The following OPCML variants were observed in gnomAD, a reference collection of about 807,000 sequenced individuals.
The protein encoded by OPCML is opioid-binding protein/cell adhesion molecule.
Under a neutral mutation model 37.8 loss-of-function variants are expected in OPCML, and 13 were observed. The ratio of observed to expected loss-of-function variants is 0.34; its 90% CI spans 0.22 to 0.55. OPCML has a LOEUF of 0.55. Among genes scored for constraint, OPCML ranks in the 20% least tolerant of loss-of-function variants. The pLI is 0.91. For synonymous variants in OPCML, 176 were observed against 168.8 expected (o/e 1.04, Z -0.33); for missense variants, 341 against 435.6 (o/e 0.78, Z 1.93).
At chr11:132,895,344 A>G (rs1223333346) in intron 2 of OPCML, among the ~76,000 whole-genome samples, 1 of 152,242 alleles carries the variant, frequency 6.6e-6, no homozygotes, top group African/African-American at 2.4e-5. Flanking sequence ...GGATGAAGGA[A>G]AAGAATGAGT....
intron 2 of OPCML, among the ~76,000 whole-genome samples, chr11:132,818,680 A>G (rs1303063400): frequency 1.3e-4 from 15 of 116,760 alleles, no homozygotes; most frequent in Middle Eastern, 4.9e-3. Flanking sequence ...TATTATATAT[A>G]AAATCATATT....
chr11:133,045,224 G>C (rs1415301366), intron 1 of OPCML, among the ~76,000 whole-genome samples: 2 of 152,140 alleles, frequency 1.3e-5, no homozygotes, highest in Non-Finnish European at 2.9e-5. Context: ...TGGCAGGATG[G>C]ATTCTGATTC....
At chr11:132,655,969 A>G (rs915065317) in intron 3 of OPCML, among the ~76,000 whole-genome samples, 5 of 151,118 alleles carry the variant, frequency 3.3e-5, no homozygotes, top group African/African-American at 1.2e-4. Flanking sequence ...TGTTGGATCT[A>G]TGACAGATGG....
chr11:132,558,489 T>C, intron 3 of OPCML, among the ~76,000 whole-genome samples: 1 of 73,556 alleles, frequency 1.4e-5, no homozygotes, highest in African/African-American at 5.7e-5. Context: ...CCACTCCTCC[T>C]CCTCCCCTCC....
chr11:133,156,008 G>A (rs1950057349), intron 1 of OPCML, among the ~76,000 whole-genome samples: 1 of 152,132 alleles, frequency 6.6e-6, no homozygotes, highest in Non-Finnish European at 1.5e-5. Flanking sequence ...CCATCGGAGA[G>A]CAAGACACTC....
At chr11:133,025,030 G>T (rs748192161) in intron 1 of OPCML, 240 of 977,958 alleles carry the variant, frequency 2.5e-4, no homozygotes, top group Non-Finnish European at 2.8e-4. Context: ...TATGCCTTAA[G>T]AAACACTTCT....
chr11:133,186,614 C>A (rs1450488062), intron 1 of OPCML, among the ~76,000 whole-genome samples: 1 of 152,158 alleles, frequency 6.6e-6, no homozygotes, highest in Non-Finnish European at 1.5e-5. Flanking sequence ...GGGTTCCTTC[C>A]ATTTTTGTGG....
intron 1 of OPCML, among the ~76,000 whole-genome samples, chr11:133,034,308 G>GGTGTGTGTGT (rs71038514): frequency 0.16 from 23,409 of 143,268 alleles, 2,064 homozygotes; most frequent in Admixed American, 0.23. Context: ...TGTATGTATA[G>GGTGTGTGTGT]GTGTGTGTGT....
intron 2 of OPCML, among the ~76,000 whole-genome samples, chr11:132,942,384 A>C (rs1159329623): frequency 1.3e-5 from 2 of 152,190 alleles, no homozygotes; most frequent in Non-Finnish European, 1.5e-5. Context: ...CATAATTTAC[A>C]ATAGGGACCC....
At chr11:133,336,258 G>A (rs1269386840) in intron 1 of OPCML, among the ~76,000 whole-genome samples, 1 of 152,120 alleles carries the variant, frequency 6.6e-6, no homozygotes, top group East Asian at 1.9e-4. Context: ...GGGGATAAAT[G>A]AAGGAGATCC....
intron 1 of OPCML, among the ~76,000 whole-genome samples, chr11:133,510,411 C>T (rs1948129700): frequency 1.3e-5 from 2 of 152,200 alleles, no homozygotes; most frequent in Non-Finnish European, 2.9e-5. Context: ...TACTTCCACA[C>T]CCCAAGCCTT....
chr11:132,600,288 T>C (rs1193947073), intron 3 of OPCML, among the ~76,000 whole-genome samples: 2 of 152,240 alleles, frequency 1.3e-5, no homozygotes, highest in Non-Finnish European at 2.9e-5. Flanking sequence ...GGTGGATATC[T>C]TTAACCAAAT....
At chr11:132,527,104 A>C (rs1565638224) in intron 4 of OPCML, among the ~76,000 whole-genome samples, 1 of 152,180 alleles carries the variant, frequency 6.6e-6, no homozygotes, top group Non-Finnish European at 1.5e-5. Context: ...TGTTGTTAGA[A>C]TATTCCACAA....
At chr11:132,759,800 A>G (rs1340554543) in intron 2 of OPCML, among the ~76,000 whole-genome samples, 1 of 151,846 alleles carries the variant, frequency 6.6e-6, no homozygotes, top group East Asian at 1.9e-4. Flanking sequence ...TATTTTCTTC[A>G]GTTCTACTCT....
At chr11:132,786,351 C>T (rs533813594) in intron 2 of OPCML, among the ~76,000 whole-genome samples, 3 of 152,212 alleles carry the variant, frequency 2.0e-5, no homozygotes, top group Admixed American at 2.0e-4. Context: ...CACAATAGTA[C>T]ACATTTAAGG....
intron 1 of OPCML, among the ~76,000 whole-genome samples, chr11:133,376,311 A>C (rs545529114): frequency 1.3e-5 from 2 of 152,334 alleles, no homozygotes; most frequent in African/African-American, 4.8e-5. Flanking sequence ...TATAATCATG[A>C]ATTTACACAA....
chr11:132,853,100 A>T (rs1941888795), intron 2 of OPCML, among the ~76,000 whole-genome samples: 1 of 152,190 alleles, frequency 6.6e-6, no homozygotes, highest in Non-Finnish European at 1.5e-5. Flanking sequence ...GAATGAAATT[A>T]TAGTTATTCA....
At chr11:133,237,750 T>C (rs1940575941) in intron 1 of OPCML, among the ~76,000 whole-genome samples, 1 of 152,164 alleles carries the variant, frequency 6.6e-6, no homozygotes, top group Admixed American at 6.5e-5. Context: ...TAAGCATATA[T>C]CAGTGTGCAA....
chr11:133,089,181 T>C (rs1265049141), intron 1 of OPCML, among the ~76,000 whole-genome samples: 1 of 152,196 alleles, frequency 6.6e-6, no homozygotes, highest in Non-Finnish European at 1.5e-5. Context: ...ACCAATTGCC[T>C]GTTCAGATCA....
Sources: gnomAD v4.1 joint callset for allele counts (sites outside exome capture counted in the v4.1 genomes callset) on GRCh38, gnomAD v4.1.1 for gene constraint, MANE v1.5 for transcripts, NCBI Gene and HGNC (gene_info 2026-07-23, HGNC 2026-07-21) for gene names.